Variants in CDH4 observed in about 807,000 individuals in gnomAD.
The protein encoded by CDH4 is cadherin-4.
CDH4 carries 33 observed loss-of-function variants against 86.0 expected under a neutral mutation model. The ratio of observed to expected loss-of-function variants is 0.38; its 90% CI spans 0.29 to 0.51. The LOEUF is 0.51. CDH4 is among the 20% of genes least tolerant of loss of function. The pLI, the probability that CDH4 is intolerant of heterozygous loss-of-function variation, is 0.86. For synonymous variants in CDH4, 555 were observed against 549.4 expected, an observed-to-expected ratio of 1.01 and a Z score of -0.14; for missense variants, 1,114 against 1,307.4, an observed-to-expected ratio of 0.85 and a Z score of 2.28.
chr20:61,344,383 T>A (rs569753769), intron 2 of CDH4, among the ~76,000 whole-genome samples: 1 of 152,336 alleles, frequency 6.6e-6, no homozygotes, highest in East Asian at 1.9e-4. Context: ...CTGTCAGGCT[T>A]TTCTGTTTAT....
chr20:61,280,790 C>T (rs78679955), intron 2 of CDH4, among the ~76,000 whole-genome samples: 26,135 of 152,118 alleles, frequency 0.17, 2,306 homozygotes, highest in Non-Finnish European at 0.18. Flanking sequence ...CCGGCCACAG[C>T]GGCCTCCCTG....
At chr20:61,267,788 G>A (rs2084164631) in intron 2 of CDH4, among the ~76,000 whole-genome samples, 2 of 152,176 alleles carry the variant, frequency 1.3e-5, no homozygotes, top group African/African-American at 4.8e-5. Flanking sequence ...GAGGAGCTGG[G>A]CACTCTCTGG....
rs77938292 is a variant in CDH4 at position 61,421,138 on chromosome 20, G to C, written c.169+166201G>C. On this transcript the variant is annotated intron_variant, in intron 2 of 15. Transcript: ENST00000614565. ...ATGGGAGCCCTTACAGCCCTTTTCC[G>C]TGGGGACCCTGGCTGGGAGGGGACA... 1.6e-4 allele frequency among the ~76,000 whole-genome samples: 25 copies of C among 152,318 alleles called. No individual in the cohort carries two copies. In the East Asian group the frequency reaches 4.6e-3, roughly 28 times the overall value.
At chr20:61,792,432 C>T (rs2146017934) in intron 4 of CDH4, among the ~76,000 whole-genome samples, 1 of 152,292 alleles carries the variant, frequency 6.6e-6, no homozygotes, top group East Asian at 1.9e-4. Context: ...GCCCAAGGGC[C>T]TCTTCCAAGA....
chr20:61,736,656 AGAGAGG>A (rs1306169337), intron 2 of CDH4, among the ~76,000 whole-genome samples: 2 of 77,052 alleles, frequency 2.6e-5, no homozygotes, highest in Admixed American at 2.8e-4. Context: ...GGAGAGAGAG[AGAGAGG>A]GAGAGAGAGG....
At chr20:61,280,636 C>T (rs1054334342) in intron 2 of CDH4, among the ~76,000 whole-genome samples, 1 of 152,224 alleles carries the variant, frequency 6.6e-6, no homozygotes, top group African/African-American at 2.4e-5. Flanking sequence ...AGTTCCCTTT[C>T]AGATACACGG....
intron 2 of CDH4, among the ~76,000 whole-genome samples, chr20:61,280,003 C>A (rs767102486): frequency 3.9e-5 from 6 of 152,086 alleles, no homozygotes; most frequent in Non-Finnish European, 7.4e-5. Context: ...TAGCTGACTC[C>A]ATCGGTGGGG....
intron 2 of CDH4, among the ~76,000 whole-genome samples, chr20:61,534,640 C>A (rs985942619): frequency 1.9e-5 from 2 of 104,614 alleles, no homozygotes; most frequent in East Asian, 3.5e-4. Flanking sequence ...TTTTTCTTTT[C>A]TTTCTTTCTT....
chr20:61,317,026 T>C (rs569900808), intron 2 of CDH4, among the ~76,000 whole-genome samples: 1 of 151,324 alleles, frequency 6.6e-6, no homozygotes, highest in Admixed American at 6.6e-5. Flanking sequence ...TTTTTTTTTT[T>C]AGTTTATTTA....
At chr20:61,529,767 G>A (rs185339047) in intron 2 of CDH4, among the ~76,000 whole-genome samples, 138 of 152,222 alleles carry the variant, frequency 9.1e-4, no homozygotes, top group African/African-American at 3.1e-3. Context: ...AGAACTTCTC[G>A]TTCTTGCTCA....
intron 2 of CDH4, among the ~76,000 whole-genome samples, chr20:61,625,037 A>T (rs2086817256): frequency 6.6e-6 from 1 of 152,192 alleles, no homozygotes; most frequent in Middle Eastern, 3.2e-3. Flanking sequence ...GTTGAGCAAG[A>T]GGGGCTTTTG....
chr20:61,632,985 C>G (rs2086908890), intron 2 of CDH4, among the ~76,000 whole-genome samples: 1 of 151,514 alleles, frequency 6.6e-6, no homozygotes, highest in Non-Finnish European at 1.5e-5. Context: ...CATCCATCTT[C>G]CCATCCATCT....
intron 3 of CDH4, among the ~76,000 whole-genome samples, chr20:61,761,865 C>T (rs1028292806): frequency 2.6e-5 from 4 of 152,250 alleles, no homozygotes; most frequent in Non-Finnish European, 4.4e-5. Context: ...ACAGGAAGCT[C>T]CAGTGCATGG....
intron 2 of CDH4, among the ~76,000 whole-genome samples, chr20:61,606,739 C>G (rs111498849): frequency 1.0e-3 from 159 of 152,320 alleles, no homozygotes; most frequent in Non-Finnish European, 2.0e-3. Flanking sequence ...TGCTCAGGGC[C>G]AGTGACATTT....
intron 2 of CDH4, among the ~76,000 whole-genome samples, chr20:61,644,831 T>C (rs1320849380): frequency 6.6e-6 from 1 of 152,084 alleles, no homozygotes; most frequent in African/African-American, 2.4e-5. Flanking sequence ...GAAACCCTCC[T>C]CCCCGGCCTG....
chr20:61,304,759 TGTTGTGTGTGTGGG>T (rs1363358828), intron 2 of CDH4, among the ~76,000 whole-genome samples: 2 of 146,530 alleles, frequency 1.4e-5, no homozygotes, highest in Admixed American at 6.8e-5. Flanking sequence ...GCAGTGTGCA[TGTTGTGTGTGTGGG>T]GTTGTGTGTG....
At chr20:61,704,920 C>G (rs2087813510) in intron 2 of CDH4, among the ~76,000 whole-genome samples, 1 of 152,172 alleles carries the variant, frequency 6.6e-6, no homozygotes, top group African/African-American at 2.4e-5. Flanking sequence ...GATTCCAGAA[C>G]CAGGGATATA....
intron 3 of CDH4, among the ~76,000 whole-genome samples, chr20:61,753,031 A>C (rs1159827812): frequency 6.6e-6 from 1 of 152,196 alleles, no homozygotes; most frequent in Non-Finnish European, 1.5e-5. Flanking sequence ...AAACAAATGC[A>C]TGCAGAGGGC....
Position 61,852,869 on chromosome 20 carries a change from A to G in CDH4, c.848A>G (p.Asn283Ser), listed in dbSNP as rs35817343. Residue 283 changes from asparagine to serine, a missense_variant, in exon 6 of 16, where the codon AAC (asparagine) becomes AGC (serine). Coordinates refer to ENST00000614565, the MANE Select transcript of CDH4 (RefSeq NM_001794.5). ...NRPEFINQVY[N>S]GSVDEGSKPG... is the part of the protein sequence containing the mutation. The stretch of plus-strand genomic sequence containing the variant: ...CCTGAGTTCATCAACCAGGTCTACA[A>G]CGGCTCCGTGGACGAGGGCTCCAAG... 2.1e-5 allele frequency: 34 copies of G among 1,613,838 alleles called. No homozygotes were observed. The Admixed American group carries it at 2.2e-4, about 10-fold the overall frequency.
Sources: gnomAD v4.1 joint callset for allele counts (sites outside exome capture counted in the v4.1 genomes callset) on GRCh38, gnomAD v4.1.1 for gene constraint, MANE v1.5 for transcripts, NCBI Gene and HGNC (gene_info 2026-07-23, HGNC 2026-07-21) for gene names.